Variants in FBRSL1 observed in about 807,000 individuals in gnomAD.
FBRSL1 encodes fibrosin-1-like protein.
Under a neutral mutation model 89.6 loss-of-function variants are expected in FBRSL1, and 51 were observed. The observed-to-expected ratio is 0.57, with a 90% CI of 0.45 to 0.72. The LOEUF is 0.72. FBRSL1 is among the 30% of genes least tolerant of loss of function. The pLI is 0.00. For missense variants in FBRSL1, 1,618 were observed against 1,451.8 expected, an observed-to-expected ratio of 1.11 and a Z score of -1.86; for synonymous variants, 779 against 681.1, an observed-to-expected ratio of 1.14 and a Z score of -2.24.
intron 15 of FBRSL1, 148 bp downstream of exon 15, chr12:132,577,079 A>T: frequency 8.7e-7 from 1 of 1,150,830 alleles, no homozygotes; most frequent in Non-Finnish European, 1.2e-6. Context: ...TTCAGGTCAA[A>T]GCCTGGCAAC....
Position 132,581,514 on chromosome 12 carries a change from C to T in FBRSL1, c.1910C>T (p.Thr637Ile). ...PGSFLPTGPL[T>I]DPFSRPSTFG... ...AGCTTCCTGCCCACTGGCCCCCTGA[C>T]AGGTGGGTGTCTCTGAATTCAGCCC... The change falls in exon 16 of 19, where the codon ACA becomes ATA. Residue 637 changes from threonine to isoleucine, a missense_variant and splice_region_variant. Coordinates refer to ENST00000680143, the MANE Select transcript of FBRSL1 (RefSeq NM_001367871.1). The T allele has an allele frequency of 6.4e-7, 1 of 1,550,964 alleles. No individual in the cohort carries two copies.
At position 132,584,613 on chromosome 12, in the gene FBRSL1, C is replaced by T. The variant is rs955144067; in HGVS notation, c.*835C>T. 2 of 112,442 alleles carry T rather than the reference C, an allele frequency of 1.8e-5. No individual in the cohort carries two copies. Among genetic ancestry groups the T allele is most frequent in the Admixed American group, 2.0e-4 (2 of 9,848 alleles). The allele number at this position is 112,442 out of a possible 1,614,324, so 7.0% of individuals were successfully genotyped here. A position where few individuals can be genotyped will look rare whatever the true frequency, so the allele number is the denominator to read the frequency against. The stretch of plus-strand genomic sequence containing the variant: ...GGTTCCGCCAGCGACCTCCCAGCCC[C>T]TGGGTCCGTGGAGGGGTTGGGTCCC... On this transcript the variant is annotated 3_prime_UTR_variant, in exon 19 of 19. Coordinates refer to ENST00000680143, the MANE Select transcript of FBRSL1 (RefSeq NM_001367871.1).
rs1426128385 is a variant in FBRSL1 at position 132,583,222 on chromosome 12, G to T, written c.2453G>T (p.Arg818Leu). The change falls in exon 19 of 19, where the codon CGC (arginine) becomes CTC (leucine). Residue 818 changes from arginine (R) to leucine (L), a missense_variant. By Grantham distance (102) the Arg-to-Leu change is moderately radical (BLOSUM62 -2). Coordinates refer to ENST00000680143, the MANE Select transcript of FBRSL1 (RefSeq NM_001367871.1). ...GGAGACGTGAAGGTCAAGGAGGAGC[G>T]CGGGGAGGACGAGGCCTCCGAGCCC... ...APGDVKVKEERGEDEASEPPA... is the reference protein window; with the variant it reads ...APGDVKVKEELGEDEASEPPA... 1 of 1,409,758 alleles carries T rather than the reference G, an allele frequency of 7.1e-7. No individual in the cohort carries two copies. The highest frequency in any genetic ancestry group is 2.9e-5 in the Admixed American group (1 of 34,910). 87.3% of individuals were successfully genotyped at this position (1,409,758 alleles called of 1,614,324 possible).
At chr12:132,510,243 G>C in intron 2 of FBRSL1, 2 of 1,231,858 alleles carry the variant, frequency 1.6e-6, no homozygotes, top group Non-Finnish European at 2.0e-6. Flanking sequence ...TTCACTCCTG[G>C]GGCAGCCGGG....
chr12:132,574,229 T>C, intron 12 of FBRSL1, 71 bp downstream of exon 12: 1 of 1,442,286 alleles, frequency 6.9e-7, no homozygotes, highest in Non-Finnish European at 9.1e-7. Flanking sequence ...TGCGGGCTGG[T>C]GGCCACAGCA....
chr12:132,545,025 A>G (rs895657171), intron 4 of FBRSL1, among the ~76,000 whole-genome samples: 1 of 152,230 alleles, frequency 6.6e-6, no homozygotes, highest in African/African-American at 2.4e-5. Flanking sequence ...CTATTTACAG[A>G]AGCACAAACT....
rs1032494543 is a variant in FBRSL1 at position 132,511,767 on chromosome 12, C to T, written c.489+3417C>T. The T allele has an allele frequency of 2.7e-5, 27 of 985,322 alleles. No homozygotes were observed. The African/African-American group carries it at 4.0e-4, about 15-fold the overall frequency. 61.0% of individuals were successfully genotyped at this position (985,322 alleles called of 1,614,324 possible). A position where few individuals can be genotyped will look rare whatever the true frequency, so the allele number is the denominator to read the frequency against. On this transcript the variant is annotated intron_variant, in intron 2 of 18. Transcript: ENST00000680143. ...CACTTGCTCATGAGGACCCCACCCCCGCAGGCCCTCCCGGGTCCTGACCAG... is the reference window on the plus strand; with the variant it reads ...CACTTGCTCATGAGGACCCCACCCCTGCAGGCCCTCCCGGGTCCTGACCAG...
intron 4 of FBRSL1, among the ~76,000 whole-genome samples, chr12:132,544,336 G>A (rs148513617): frequency 9.9e-5 from 15 of 152,260 alleles, no homozygotes; most frequent in Admixed American, 6.5e-4. Flanking sequence ...TGCCATTGGA[G>A]CTCAGGACAA....
Position 132,569,909 on chromosome 12 carries a change from C to A in FBRSL1, c.692-17C>A. On this transcript the variant is annotated splice_polypyrimidine_tract_variant and intron_variant, in intron 6 of 18. Transcript: ENST00000680143. ...CGAGGCCCTGCTGGTCTGAACGCAGCCACCCTCTCTCTGCAGGCCCAGCGC... is the reference window on the plus strand; with the variant it reads ...CGAGGCCCTGCTGGTCTGAACGCAGACACCCTCTCTCTGCAGGCCCAGCGC... 7.3e-7 allele frequency: 1 copy of A among 1,377,884 alleles called. No homozygotes were observed. The allele number at this position is 1,377,884 out of a possible 1,614,324, so 85.4% of individuals were successfully genotyped here.
chr12:132,578,259 C>T (rs1213995427), intron 15 of FBRSL1, among the ~76,000 whole-genome samples: 1 of 151,938 alleles, frequency 6.6e-6, no homozygotes, highest in African/African-American at 2.4e-5. Flanking sequence ...GCAGGAGGGT[C>T]GCTTGAGCCC....
intron 4 of FBRSL1, among the ~76,000 whole-genome samples, chr12:132,536,660 C>T (rs373625049): frequency 2.0e-5 from 3 of 149,494 alleles, no homozygotes; most frequent in African/African-American, 7.4e-5. Flanking sequence ...TACATGACCT[C>T]ATGCCATGTG....
In FBRSL1 at chr12:132,582,283, T is replaced by G. The variant is rs368093452; in HGVS notation, c.2201+17T>G. 6.5e-7 allele frequency: 1 copy of G among 1,546,782 alleles called. No individual in the cohort carries two copies. The highest frequency in any genetic ancestry group is 8.7e-7 in the Non-Finnish European group (1 of 1,144,530). On this transcript the variant is annotated intron_variant, in intron 18 of 18. Coordinates refer to ENST00000680143, the MANE Select transcript of FBRSL1 (RefSeq NM_001367871.1). ...GCAGGAACGGTGAGTGGCCCTCTTG[T>G]TCCGTATCCCCACCACACACCCCTA... is the stretch of plus-strand genomic sequence containing the variant.
At chr12:132,581,599 T>C in intron 16 of FBRSL1, 83 bp downstream of exon 16, 1 of 1,513,126 alleles carries the variant, frequency 6.6e-7, no homozygotes. Flanking sequence ...GGCGGGAAGG[T>C]GGCCCCGAGC....
At chr12:132,571,011 G>A (rs1016476966) in intron 8 of FBRSL1, 57 bp from the exon 9 acceptor site, 24 of 1,252,110 alleles carry the variant, frequency 1.9e-5, no homozygotes, top group African/African-American at 6.2e-5. Flanking sequence ...GCTGGCCTGC[G>A]GGTGGCTGGA....
In FBRSL1 at chr12:132,572,312, G is replaced by A; in HGVS notation, c.1402G>A (p.Asp468Asn). 1.3e-6 allele frequency: 2 copies of A among 1,551,186 alleles called. No individual in the cohort carries two copies. Among genetic ancestry groups the A allele is most frequent in the Non-Finnish European group, 8.7e-7 (1 of 1,146,758 alleles). ...GTTTGACAAGTATGCGCCCAAGCTG[G>A]ACAGCCCCTACTTCCGACATTCCAG... ...CQFDKYAPKLDSPYFRHSSVS... is the reference protein window; with the variant it reads ...CQFDKYAPKLNSPYFRHSSVS... The change falls in exon 10 of 19, where the codon GAC (aspartate) becomes AAC (asparagine). Residue 468 changes from aspartate to asparagine, a missense_variant. Coordinates refer to ENST00000680143, the MANE Select transcript of FBRSL1 (RefSeq NM_001367871.1).
At chr12:132,581,847 C>T (rs1037870810) in intron 17 of FBRSL1, 23 bp downstream of exon 17, 1 of 1,516,118 alleles carries the variant, frequency 6.6e-7, no homozygotes, top group African/African-American at 1.4e-5. Flanking sequence ...GCCTGTGCCC[C>T]CCTCCCCCGA....
chr12:132,583,088 C>A lies in FBRSL1; in HGVS notation c.2319C>A (p.Pro773=), dbSNP rs368683731. Residue 773 remains proline, a synonymous_variant, in exon 19 of 19, where the codon CCC becomes CCA. Transcript: ENST00000680143. Reference sequence around the variant, plus strand: ...GCGAGCTGGGCCGGTCCGGGGCCCCCGCGGAGCGCGAGGCCGAACCTCGGG... The same window carrying A: ...GCGAGCTGGGCCGGTCCGGGGCCCCAGCGGAGCGCGAGGCCGAACCTCGGG... ...AQSELGRSGA[P]AEREAEPRVK... 109 of 1,447,774 alleles carry A rather than the reference C, an allele frequency of 7.5e-5. No individual in the cohort carries two copies. The East Asian group carries it at 1.3e-3, about 17-fold the overall frequency. 89.7% of individuals were successfully genotyped at this position (1,447,774 alleles called of 1,614,324 possible).
intron 2 of FBRSL1, chr12:132,511,500 C>G (rs577989535): frequency 2.0e-6 from 2 of 985,868 alleles, no homozygotes; most frequent in Non-Finnish European, 2.4e-6. Context: ...GCACGCCACT[C>G]GCCCAAAAGG....
intron 1 of FBRSL1, chr12:132,507,230 A>T: frequency 1.0e-6 from 1 of 985,268 alleles, no homozygotes; most frequent in Non-Finnish European, 1.2e-6. Context: ...CCTGGGCTTC[A>T]CTGCTGCTGT....
Sources: allele counts gnomAD v4.1 joint callset (sites outside exome capture counted in the v4.1 genomes callset), GRCh38; gene constraint gnomAD v4.1.1; transcripts MANE v1.5; gene names NCBI Gene and HGNC (gene_info 2026-07-23, HGNC 2026-07-21).